Variants in MAGI1 observed in about 807,000 individuals in gnomAD.
MAGI1 encodes membrane associated guanylate kinase, WW and PDZ domain containing 1, also known as membrane-associated guanylate kinase, WW and PDZ domain-containing protein 1.
A neutral mutation model predicts 139.9 loss-of-function variants in MAGI1; 58 were observed. That is an observed-to-expected ratio of 0.41 (90% CI 0.34 to 0.52). The LOEUF is 0.52. MAGI1 is among the 20% of genes least tolerant of loss of function. The pLI is 0.12. For synonymous variants in MAGI1, 812 were observed against 737.9 expected (o/e 1.10, Z -1.63); for missense variants, 1,874 against 1,901.6 (o/e 0.99, Z 0.27).
intron 1 of MAGI1, among the ~76,000 whole-genome samples, chr3:65,823,522 T>C: frequency 6.6e-6 from 1 of 152,206 alleles, no homozygotes; most frequent in Non-Finnish European, 1.5e-5. Flanking sequence ...CATATAAAGC[T>C]ATATAAAGCC....
chr3:65,854,861 A>G (rs1220216848), intron 1 of MAGI1, among the ~76,000 whole-genome samples: 1 of 152,218 alleles, frequency 6.6e-6, no homozygotes, highest in Non-Finnish European at 1.5e-5. Context: ...GGAGAAGTCC[A>G]CAGAAGTCCA....
intron 2 of MAGI1, among the ~76,000 whole-genome samples, chr3:65,606,903 C>G (rs1416878261): frequency 1.3e-5 from 2 of 152,064 alleles, no homozygotes; most frequent in Non-Finnish European, 2.9e-5. Context: ...ATCAATCCAC[C>G]CACCCTGGCC....
intron 1 of MAGI1, among the ~76,000 whole-genome samples, chr3:65,763,066 G>A (rs1430256048): frequency 6.6e-6 from 1 of 152,134 alleles, no homozygotes; most frequent in Non-Finnish European, 1.5e-5. Flanking sequence ...TGCAGTGCAA[G>A]AGGCTCTCTG....
intron 1 of MAGI1, among the ~76,000 whole-genome samples, chr3:65,742,556 G>T (rs961254387): frequency 6.6e-6 from 1 of 152,172 alleles, no homozygotes; most frequent in African/African-American, 2.4e-5. Flanking sequence ...GCTTTTCCCA[G>T]AATTCTTCAG....
intron 1 of MAGI1, among the ~76,000 whole-genome samples, chr3:65,941,100 C>G (rs2063291892): frequency 6.6e-6 from 1 of 152,144 alleles, no homozygotes; most frequent in South Asian, 2.1e-4. Context: ...AATCCCAGCA[C>G]TTTGGGAGGC....
intron 2 of MAGI1, among the ~76,000 whole-genome samples, chr3:65,587,731 C>T (rs2081760066): frequency 6.6e-6 from 1 of 152,080 alleles, no homozygotes; most frequent in East Asian, 1.9e-4. Flanking sequence ...ATCCACCCGC[C>T]TTGGTCTCCC....
chr3:65,622,192 C>A (rs558064794), intron 1 of MAGI1, 104 bp from the exon 2 acceptor site: 2 of 799,118 alleles, frequency 2.5e-6, no homozygotes, highest in Non-Finnish European at 4.4e-6. Context: ...GCAGTTCTAG[C>A]CTGCCACCCC....
chr3:65,938,139 G>A (rs2063149730), intron 1 of MAGI1, among the ~76,000 whole-genome samples: 1 of 151,818 alleles, frequency 6.6e-6, no homozygotes, highest in Non-Finnish European at 1.5e-5. Flanking sequence ...AATTACCTAA[G>A]CTACAAATAA....
At chr3:65,858,132 T>A (rs1281149445) in intron 1 of MAGI1, among the ~76,000 whole-genome samples, 3 of 138,630 alleles carry the variant, frequency 2.2e-5, no homozygotes, top group Non-Finnish European at 4.9e-5. Flanking sequence ...CAAACAAAAA[T>A]AATATTAATT....
chr3:65,613,005 C>G (rs1432023866), intron 2 of MAGI1, among the ~76,000 whole-genome samples: 1 of 152,058 alleles, frequency 6.6e-6, no homozygotes, highest in Admixed American at 6.6e-5. Context: ...AAATACTAAT[C>G]CATATGTTAT....
At chr3:65,879,104 A>T (rs2060228561) in intron 1 of MAGI1, among the ~76,000 whole-genome samples, 1 of 152,164 alleles carries the variant, frequency 6.6e-6, no homozygotes, top group Non-Finnish European at 1.5e-5. Context: ...GCTCATTGGT[A>T]AACAAGAGTA....
At chr3:65,955,409 A>G (rs979884333) in intron 1 of MAGI1, among the ~76,000 whole-genome samples, 2 of 152,198 alleles carry the variant, frequency 1.3e-5, no homozygotes, top group Non-Finnish European at 2.9e-5. Context: ...CTACATAGTA[A>G]GTGGTTACAC....
At chr3:65,854,525 T>G (rs985233293) in intron 1 of MAGI1, among the ~76,000 whole-genome samples, 1 of 152,220 alleles carries the variant, frequency 6.6e-6, no homozygotes, top group East Asian at 1.9e-4. Context: ...ACAACCACCA[T>G]TTCCATGTGA....
chr3:65,732,809 T>C (rs903408843), intron 1 of MAGI1, among the ~76,000 whole-genome samples: 18 of 152,106 alleles, frequency 1.2e-4, no homozygotes, highest in East Asian at 7.7e-4. Flanking sequence ...AGCATTAAAC[T>C]ATATGCTAAG....
At chr3:65,686,235 G>T (rs969416466) in intron 1 of MAGI1, among the ~76,000 whole-genome samples, 2 of 152,102 alleles carry the variant, frequency 1.3e-5, no homozygotes, top group African/African-American at 2.4e-5. Context: ...GGATTTGGGG[G>T]TTCTCCATAG....
In MAGI1 at chr3:65,515,609, C is replaced by T. The variant is rs79509040; in HGVS notation, c.431-21978G>A. 1.6e-3 allele frequency among the ~76,000 whole-genome samples: 245 copies of T among 152,198 alleles called. 2 individuals carry two copies. In the South Asian group the frequency reaches 0.039, roughly 25 times the overall value. ...AATGCTGTAGACAATGTAGAATCTA[C>T]GAAAGAACACAAAGACAACAAGTAC... On this transcript the variant is annotated intron_variant, in intron 2 of 22. Transcript: ENST00000402939.
intron 1 of MAGI1, among the ~76,000 whole-genome samples, chr3:65,689,602 C>T (rs1243659022): frequency 6.6e-6 from 1 of 152,194 alleles, no homozygotes; most frequent in African/African-American, 2.4e-5. Context: ...GAGAAGCCCA[C>T]AGACAAGGAA....
At chr3:65,676,470 G>C (rs551494406) in intron 1 of MAGI1, among the ~76,000 whole-genome samples, 1 of 151,996 alleles carries the variant, frequency 6.6e-6, no homozygotes, top group Non-Finnish European at 1.5e-5. Context: ...TTTAAAAAAC[G>C]TACTTCTTTT....
intron 2 of MAGI1, among the ~76,000 whole-genome samples, chr3:65,517,424 G>C (rs186418892): frequency 3.9e-5 from 6 of 152,232 alleles, no homozygotes; most frequent in Admixed American, 3.9e-4. Flanking sequence ...ATCTCTGCTG[G>C]TTATTAAACT....
Sources: gnomAD v4.1 joint callset for allele counts (sites outside exome capture counted in the v4.1 genomes callset) on GRCh38, gnomAD v4.1.1 for gene constraint, MANE v1.5 for transcripts, NCBI Gene and HGNC (gene_info 2026-07-23, HGNC 2026-07-21) for gene names.